Variants in NIN observed in about 807,000 individuals in gnomAD.
NIN encodes the protein ninein.
In NIN, 137 loss-of-function variants were observed where a neutral mutation model predicts 257.6. That is an observed-to-expected ratio of 0.53 (90% CI 0.46 to 0.61). NIN has a LOEUF of 0.61. NIN is among the 20% of genes least tolerant of loss of function. NIN has a pLI of 0.00. For missense variants in NIN, 2,439 were observed against 2,501.2 expected, an observed-to-expected ratio of 0.98 and a Z score of 0.53; for synonymous variants, 918 against 919.8, an observed-to-expected ratio of 1.00 and a Z score of 0.04.
rs1436627627 is a variant in NIN at position 50,758,435 on chromosome 14, G to A, written c.2595C>T (p.Leu865=). ...CCTGGGCTTCCGCACACTCCTGGGT[G>A]AGCTCGTCCTTCTCAAATTCCCACT... ...KSQWEFEKDE[L]TQECAEAQEL... Residue 865 remains leucine, a synonymous_variant, in exon 18 of 31, where the codon CTC becomes CTT. Coordinates refer to ENST00000530997, the MANE Select transcript of NIN (RefSeq NM_020921.4). 1.9e-6 allele frequency: 3 copies of A among 1,614,162 alleles called. No individual in the cohort carries two copies. Among genetic ancestry groups the A allele is most frequent in the Non-Finnish European group, 2.5e-6 (3 of 1,180,016 alleles).
intron 3 of NIN, among the ~76,000 whole-genome samples, chr14:50,817,533 G>A (rs993404190): frequency 1.3e-5 from 2 of 152,064 alleles, no homozygotes; most frequent in African/African-American, 4.8e-5. Flanking sequence ...ACATGTCTTT[G>A]ATTACCAAAG....
chr14:50,799,995 T>C (rs964966879), intron 4 of NIN, among the ~76,000 whole-genome samples: 2 of 123,884 alleles, frequency 1.6e-5, no homozygotes, highest in Admixed American at 1.8e-4. Context: ...AAACAAACAA[T>C]ATATATACAC....
In NIN at chr14:50,804,795, GA is replaced by G. The variant is rs774580395; in HGVS notation, c.265+1941del. On this transcript the variant is annotated intron_variant, in intron 4 of 30. Transcript: ENST00000530997. ...ACACTAATGATTGCTGATGAGCTAG[GA>G]AAAAAAAAAAAGGTCCATGCATAAA... Among the ~76,000 whole-genome samples the G allele has an allele frequency of 4.2e-3, 599 of 141,870 alleles. 2 individuals are homozygous for G. The highest frequency in any genetic ancestry group is 0.011 in the African/African-American group (441 of 38,936). The allele number at this position is 141,870 out of a possible 152,430, so 93.1% of individuals were successfully genotyped here.
Position 50,778,823 on chromosome 14 carries a change from G to T in NIN, c.436-19C>A, listed in dbSNP as rs1386556952. The T allele has an allele frequency of 1.2e-6, 2 of 1,613,654 alleles. No homozygotes were observed. The highest frequency in any genetic ancestry group is 1.7e-6 in the Non-Finnish European group (2 of 1,179,586). On this transcript the variant is annotated intron_variant, in intron 5 of 30. Coordinates refer to ENST00000530997, the MANE Select transcript of NIN (RefSeq NM_020921.4). ...TCCAGTGCTAGAGAAGGCAAGAGAA[G>T]ATTAGTGTGCTTTAGAACTTATTCA...
intron 4 of NIN, 42 bp from the exon 5 acceptor site, chr14:50,792,923 T>C: frequency 1.3e-6 from 2 of 1,597,506 alleles, no homozygotes; most frequent in East Asian, 2.2e-5. Context: ...GACATGAGAA[T>C]CTCAGTTCTT....
At chr14:50,735,071 G>C (rs1381974419) in intron 28 of NIN, among the ~76,000 whole-genome samples, 1 of 152,154 alleles carries the variant, frequency 6.6e-6, no homozygotes, top group African/African-American at 2.4e-5. Flanking sequence ...AGCAGCACTT[G>C]AAATTAAAAC....
intron 5 of NIN, among the ~76,000 whole-genome samples, chr14:50,789,264 G>A (rs944797880): frequency 3.3e-5 from 5 of 152,302 alleles, no homozygotes; most frequent in Admixed American, 1.3e-4. Flanking sequence ...AGAAAAAAGC[G>A]GCCAGCAGTA....
At chr14:50,732,066 G>T (rs1477137004) in intron 28 of NIN, among the ~76,000 whole-genome samples, 1 of 152,142 alleles carries the variant, frequency 6.6e-6, no homozygotes, top group African/African-American at 2.4e-5. Context: ...AAAAAGCTCC[G>T]AAGTAGGCGT....
Position 50,741,610 on chromosome 14 carries a change from T to A in NIN, c.5420A>T (p.His1807Leu). 1.2e-6 allele frequency: 2 copies of A among 1,614,128 alleles called. No individual in the cohort carries two copies. The highest frequency in any genetic ancestry group is 1.7e-6 in the Non-Finnish European group (2 of 1,180,008). Residue 1807 changes from histidine (H) to leucine (L), a missense_variant, in exon 25 of 31, where the codon CAT (histidine) becomes CTT (leucine). Physicochemically the swap from His to Leu is moderately conservative, Grantham distance 99. Transcript: ENST00000530997. ...EALKQEVMSL[H>L]KQLQNAGGKS... Reference sequence around the variant, plus strand: ...GCCACCAGCATTCTGAAGTTGCTTATGTAAAGACATCACTTCTTGTTTTAA... The same window carrying A: ...GCCACCAGCATTCTGAAGTTGCTTAAGTAAAGACATCACTTCTTGTTTTAA...
chr14:50,810,883 C>T (rs1163313557), intron 3 of NIN, among the ~76,000 whole-genome samples: 4 of 152,194 alleles, frequency 2.6e-5, no homozygotes, highest in South Asian at 2.1e-4. Context: ...AGGATGGTCT[C>T]GATCTCCTGA....
At position 50,773,076 on chromosome 14, in the gene NIN, T is replaced by C. The variant is rs1431886516; in HGVS notation, c.686A>G (p.His229Arg). 4.3e-6 allele frequency: 7 copies of C among 1,611,652 alleles called. No homozygotes were observed. The Admixed American group carries it at 6.7e-5, about 15-fold the overall frequency. ...CATTGTACCGTCAGGATCAAGATTA[T>C]GGAATACTTCCTCGAGCATCTAGAA... ...VDGEMLEEVFHNLDPDGTMSV... is the reference protein window; with the variant it reads ...VDGEMLEEVFRNLDPDGTMSV... The change falls in exon 8 of 31, where the codon CAT (histidine) becomes CGT (arginine). Residue 229 changes from histidine to arginine, a missense_variant. Physicochemically the swap from His to Arg is conservative, Grantham distance 29. Around this residue, in one of 3 missense-constraint regions of NIN, gnomAD observed 387 missense variants for 427.3 expected, o/e 0.91. Coordinates refer to ENST00000530997, the MANE Select transcript of NIN (RefSeq NM_020921.4).
intron 3 of NIN, among the ~76,000 whole-genome samples, chr14:50,807,029 T>G (rs182542844): frequency 1.3e-5 from 2 of 152,272 alleles, no homozygotes; most frequent in African/African-American, 4.8e-5. Context: ...ATATCGATAT[T>G]TATTCACCCC....
intron 3 of NIN, 146 bp downstream of exon 3, chr14:50,821,728 T>C (rs777797299): frequency 1.4e-4 from 100 of 692,612 alleles, no homozygotes; most frequent in Admixed American, 3.0e-4. Context: ...TGGACTGTGA[T>C]GTCACACCCA....
At chr14:50,755,048 A>G (rs1444225214) in intron 18 of NIN, among the ~76,000 whole-genome samples, 181 bp from the exon 19 acceptor site, 1 of 152,242 alleles carries the variant, frequency 6.6e-6, no homozygotes, top group Admixed American at 6.5e-5. Flanking sequence ...TCTTTTGGGA[A>G]GTAAGAATTT....
rs757940408 is a variant in NIN, at chr14:50,730,974, C to A, written c.5878-1251G>T. 7.4e-6 allele frequency: 10 copies of A among 1,343,508 alleles called. No individual in the cohort carries two copies. In the Admixed American group the frequency reaches 1.2e-4, roughly 16 times the overall value. The allele number at this position is 1,343,508 out of a possible 1,614,324, so 83.2% of individuals were successfully genotyped here. ...CTGCACCCTTCTCTGCTACTTCCAA[C>A]CACTGAGTTCTAGGTACAGGTTAGC... On this transcript the variant is annotated intron_variant, in intron 28 of 30. Coordinates refer to ENST00000530997, the MANE Select transcript of NIN (RefSeq NM_020921.4).
chr14:50,729,686 G>T lies in NIN; in HGVS notation c.5915C>A (p.Ser1972Tyr). The change falls in exon 29 of 31, where the codon TCC (serine) becomes TAC (tyrosine). Residue 1972 changes from serine (S) to tyrosine (Y), a missense_variant. Transcript: ENST00000530997. The stretch of plus-strand genomic sequence containing the variant: ...CAGCTGCAAATCCCAAGCATGAGGG[G>T]ACGGGCTAGGCGTCGCAGTGGACCT... ...HLRSTATPSPSPHAWDLQLLQ... is the reference protein window; with the variant it reads ...HLRSTATPSPYPHAWDLQLLQ... 6.2e-7 allele frequency: 1 copy of T among 1,612,934 alleles called. No homozygotes were observed. Among genetic ancestry groups the T allele is most frequent in the Non-Finnish European group, 8.5e-7 (1 of 1,179,562 alleles).
chr14:50,770,351 G>A (rs766309224), intron 12 of NIN, 37 bp downstream of exon 12: 2 of 1,595,976 alleles, frequency 1.3e-6, no homozygotes, highest in South Asian at 2.2e-5. Context: ...GGTGTTCCCG[G>A]CAGGGACGCA....
Position 50,763,819 on chromosome 14 carries a change from T to C in NIN, c.1774+7A>G. 6.2e-7 allele frequency: 1 copy of C among 1,613,868 alleles called. No homozygotes were observed. The highest frequency in any genetic ancestry group is 8.5e-7 in the Non-Finnish European group (1 of 1,179,766). ...GCTTTATCTACAGCCTGTCCGAATG[T>C]GTTTACCGTGTTCGGGCTCAATGCC... On this transcript the variant is annotated splice_region_variant and intron_variant, in intron 15 of 30. Coordinates refer to ENST00000530997, the MANE Select transcript of NIN (RefSeq NM_020921.4).
chr14:50,766,918 G>C, intron 12 of NIN, 28 bp from the exon 13 acceptor site: 1 of 1,480,002 alleles, frequency 6.8e-7, no homozygotes, highest in Non-Finnish European at 9.4e-7. Context: ...AATTAAATGT[G>C]GTACAGATTA....
Sources: gnomAD v4.1 joint callset for allele counts (sites outside exome capture counted in the v4.1 genomes callset) on GRCh38, gnomAD v4.1.1 for gene constraint, gnomAD v4.1.1 regional missense constraint, MANE v1.5 for transcripts, NCBI Gene and HGNC (gene_info 2026-07-23, HGNC 2026-07-21) for gene names.